CACNA2D4: variants seen among roughly 807,000 people sequenced by gnomAD.
CACNA2D4 encodes the protein voltage-dependent calcium channel subunit alpha-2/delta-4.
CACNA2D4 carries 157 observed loss-of-function variants against 163.8 expected under a neutral mutation model. That is an observed-to-expected ratio of 0.96 (90% CI 0.84 to 1.09). The LOEUF (loss-of-function observed/expected upper bound fraction) is 1.09. Ranked by LOEUF, CACNA2D4 falls within the 50% of genes least tolerant of loss-of-function variation. CACNA2D4 has a pLI of 0.00. For synonymous variants in CACNA2D4, 598 were observed against 586.9 expected, an observed-to-expected ratio of 1.02 and a Z score of -0.27; for missense variants, 1,410 against 1,479.9, an observed-to-expected ratio of 0.95 and a Z score of 0.78.
chr12:1,797,629 G>A, intron 34 of CACNA2D4, 94 bp from the exon 35 acceptor site: 2 of 933,116 alleles, frequency 2.1e-6, no homozygotes, highest in Non-Finnish European at 3.4e-6. Flanking sequence ...TCACCCCAGT[G>A]CATTTGCAGA....
At chr12:1,800,500 C>CA (rs1863279248) in intron 31 of CACNA2D4, 62 bp from the exon 32 acceptor site, 2 of 1,481,126 alleles carry the variant, frequency 1.4e-6, no homozygotes, top group Admixed American at 1.7e-5. Context: ...GCCCCCCCCC[C>CA]ACCACCAGCA....
chr12:1,834,329 A>T lies in CACNA2D4; in HGVS notation c.2551+6410T>A. ...GGAGCTGAGGGGGAAGGACATGCGG[A>T]TGGTCCCCATGGAGATGTTCAACTA... On this transcript the variant is annotated intron_variant, in intron 26 of 37. Transcript: ENST00000382722. The surrounding 1 kb of genome is among the most constrained non-coding windows in gnomAD (Gnocchi z 7.6). 1.9e-6 allele frequency: 3 copies of T among 1,611,650 alleles called. No individual in the cohort carries two copies. Among genetic ancestry groups the T allele is most frequent in the Non-Finnish European group, 2.5e-6 (3 of 1,179,128 alleles).
At chr12:1,803,560 C>T (rs964745628) in intron 29 of CACNA2D4, among the ~76,000 whole-genome samples, 13 of 152,084 alleles carry the variant, frequency 8.5e-5, no homozygotes, top group African/African-American at 2.7e-4. Flanking sequence ...AAAATTAAAA[C>T]GTAAGGATGC....
intron 4 of CACNA2D4, 84 bp downstream of exon 4, chr12:1,909,822 C>CCGCCACCCTAT (rs1866769992): frequency 8.6e-7 from 1 of 1,165,846 alleles, no homozygotes; most frequent in African/African-American, 1.5e-5. Context: ...CGCCACCCTA[C>CCGCCACCCTAT]GCCGCCACCC....
chr12:1,912,698 C>T (rs780403067), intron 3 of CACNA2D4, among the ~76,000 whole-genome samples: 3 of 152,238 alleles, frequency 2.0e-5, no homozygotes, highest in Non-Finnish European at 4.4e-5. Context: ...GTGCAGTGCT[C>T]TGTACTGGTC....
At chr12:1,814,591 C>G (rs1863817458) in intron 26 of CACNA2D4, among the ~76,000 whole-genome samples, 1 of 152,218 alleles carries the variant, frequency 6.6e-6, no homozygotes, top group African/African-American at 2.4e-5. Context: ...TGAGACTTCT[C>G]CATTTCAGGA....
Position 1,828,076 on chromosome 12 carries a change from G to A in CACNA2D4, c.2551+12663C>T. On this transcript the variant is annotated intron_variant, in intron 26 of 37. Coordinates refer to ENST00000382722, the MANE Select transcript of CACNA2D4 (RefSeq NM_172364.5). This position sits in a 1 kb window ranked among gnomAD's most constrained non-coding sequence, Gnocchi z 4.2. ...TGCTCAGTGCTCCTCCCTCCCTCAG[G>A]ACTGACAGGCGGCGCACCCAGGGGC... 4.3e-6 allele frequency: 6 copies of A among 1,401,912 alleles called. No individual in the cohort carries two copies. Among genetic ancestry groups the A allele is most frequent in the Middle Eastern group, 2.5e-4 (1 of 3,968 alleles). The allele number at this position is 1,401,912 out of a possible 1,614,324, so 86.8% of individuals were successfully genotyped here. A position where few individuals can be genotyped will look rare whatever the true frequency, so the allele number is the denominator to read the frequency against.
intron 26 of CACNA2D4, among the ~76,000 whole-genome samples, chr12:1,819,618 C>G (rs190349153): frequency 6.6e-6 from 1 of 152,326 alleles, no homozygotes; most frequent in East Asian, 1.9e-4. Flanking sequence ...TGGCTCCCCT[C>G]TAGCTTGGTC....
rs190652517 is a variant in CACNA2D4 at position 1,829,367 on chromosome 12, G to A, written c.2551+11372C>T. Among the ~76,000 whole-genome samples, 66 of 152,300 alleles carry A rather than the reference G, an allele frequency of 4.3e-4. No homozygotes were observed. In the East Asian group the frequency reaches 0.011, roughly 25 times the overall value. ...TTGGGGTGGTGGTATGGGGCTGGCTGATCTGGTAGCAGACGGGCTCAGAGG... is the reference window on the plus strand; with the variant it reads ...TTGGGGTGGTGGTATGGGGCTGGCTAATCTGGTAGCAGACGGGCTCAGAGG... On this transcript the variant is annotated intron_variant, in intron 26 of 37. Transcript: ENST00000382722. This position sits in a 1 kb window ranked among gnomAD's most constrained non-coding sequence, Gnocchi z 4.2.
chr12:1,851,651 TTGTG>T (rs71055202), intron 23 of CACNA2D4, among the ~76,000 whole-genome samples: 72 of 118,590 alleles, frequency 6.1e-4, no homozygotes, highest in East Asian at 3.4e-3. Flanking sequence ...TGGTGTGTGT[TTGTG>T]TGTGTGTGTG....
At chr12:1,831,666 G>C (rs1411464946) in intron 26 of CACNA2D4, 1 of 696,596 alleles carries the variant, frequency 1.4e-6, no homozygotes, top group East Asian at 2.7e-5. Flanking sequence ...GTGCCAGCTC[G>C]GCTAGAAAAG....
Position 1,875,152 on chromosome 12 carries a change from A to G in CACNA2D4, c.1806+99T>C. 2.4e-6 allele frequency: 2 copies of G among 832,186 alleles called. No individual in the cohort carries two copies. Among genetic ancestry groups the G allele is most frequent in the African/African-American group, 1.7e-5 (1 of 60,328 alleles). 51.6% of individuals were successfully genotyped at this position (832,186 alleles called of 1,614,324 possible). Reference sequence around the variant, plus strand: ...CTGGGATGAACCTGTTCTGCCTGACAGGAACAGAGTGACCTCAAAGCTCAC... The same window carrying G: ...CTGGGATGAACCTGTTCTGCCTGACGGGAACAGAGTGACCTCAAAGCTCAC... On this transcript the variant is annotated intron_variant, in intron 17 of 37. Transcript: ENST00000382722. The surrounding 1 kb of genome is among the most constrained non-coding windows in gnomAD (Gnocchi z 4.0).
chr12:1,848,188 A>G (rs560941737), intron 23 of CACNA2D4, among the ~76,000 whole-genome samples: 28 of 152,326 alleles, frequency 1.8e-4, no homozygotes, highest in Middle Eastern at 3.4e-3. Context: ...CCCCATAACC[A>G]TTAGCAGTCA....
rs553127546 is a variant in CACNA2D4, at chr12:1,834,713, G to T, written c.2551+6026C>A. ...CGAGGACCAGAAGCAGATCTCTTCT[G>T]TGGCCTGAGCGCCCATCCCCACCCG... On this transcript the variant is annotated intron_variant, in intron 26 of 37. Coordinates refer to ENST00000382722, the MANE Select transcript of CACNA2D4 (RefSeq NM_172364.5). The surrounding 1 kb of genome is among the most constrained non-coding windows in gnomAD (Gnocchi z 7.6). 2.5e-6 allele frequency: 4 copies of T among 1,592,018 alleles called. No homozygotes were observed. In the African/African-American group the frequency reaches 4.0e-5, roughly 16 times the overall value.
At chr12:1,823,002 C>T (rs1462559551) in intron 26 of CACNA2D4, among the ~76,000 whole-genome samples, 2 of 152,182 alleles carry the variant, frequency 1.3e-5, no homozygotes, top group African/African-American at 2.4e-5. Flanking sequence ...TTCTCTCTGG[C>T]CTTCTGCAGA....
At chr12:1,895,032 A>T (rs991336863) in intron 6 of CACNA2D4, among the ~76,000 whole-genome samples, 4 of 152,220 alleles carry the variant, frequency 2.6e-5, no homozygotes, top group Non-Finnish European at 5.9e-5. Context: ...AAATACATTC[A>T]GTACAGTTAC....
chr12:1,838,498 G>A (rs565352498), intron 26 of CACNA2D4, among the ~76,000 whole-genome samples: 1 of 152,342 alleles, frequency 6.6e-6, no homozygotes, highest in South Asian at 2.1e-4. Context: ...GCCAGGGAGA[G>A]GAAGTGGCAG....
At position 1,799,278 on chromosome 12, in the gene CACNA2D4, A is replaced by T. The variant is rs1040148134; in HGVS notation, c.2995+397T>A. Among the ~76,000 whole-genome samples the T allele has an allele frequency of 6.6e-6, 1 of 152,110 alleles. No homozygotes were observed. The highest frequency in any genetic ancestry group is 1.5e-5 in the Non-Finnish European group (1 of 68,014). On this transcript the variant is annotated intron_variant, in intron 34 of 37. Coordinates refer to ENST00000382722, the MANE Select transcript of CACNA2D4 (RefSeq NM_172364.5). The surrounding 1 kb of genome is among the most constrained non-coding windows in gnomAD (Gnocchi z 4.7). Reference sequence around the variant, plus strand: ...AGACACAGGGTCCCGCAGGGGAATCATCCTGAGAGCTTCCTGGGGCCCCTG... The same window carrying T: ...AGACACAGGGTCCCGCAGGGGAATCTTCCTGAGAGCTTCCTGGGGCCCCTG...
At chr12:1,854,978 A>ACC (rs57341184) in intron 22 of CACNA2D4, among the ~76,000 whole-genome samples, 2 of 151,804 alleles carry the variant, frequency 1.3e-5, no homozygotes, top group Non-Finnish European at 2.9e-5. Flanking sequence ...TATTTTTATC[A>ACC]CCCCCCAAAG....
Sources: gnomAD v4.1 joint callset for allele counts (sites outside exome capture counted in the v4.1 genomes callset) on GRCh38, gnomAD v4.1.1 for gene constraint, Gnocchi (gnomAD v3.1) non-coding constraint, MANE v1.5 for transcripts, NCBI Gene and HGNC (gene_info 2026-07-23, HGNC 2026-07-21) for gene names.